PRKG1: variants seen among roughly 807,000 people sequenced by gnomAD.
The protein encoded by PRKG1 is protein kinase cGMP-dependent 1, also known as cGMP-dependent protein kinase 1.
In PRKG1, 35 loss-of-function variants were observed where a neutral mutation model predicts 88.1. The ratio of observed to expected loss-of-function variants is 0.40; its 90% CI spans 0.30 to 0.53. PRKG1 has a LOEUF of 0.53. PRKG1 is among the 20% of genes least tolerant of loss of function. The pLI, the probability that PRKG1 is intolerant of heterozygous loss-of-function variation, is 0.59. For synonymous variants in PRKG1, 303 were observed against 292.5 expected, an observed-to-expected ratio of 1.04 and a Z score of -0.37; for missense variants, 540 against 839.8, an observed-to-expected ratio of 0.64 and a Z score of 4.41.
chr10:51,486,660 C>T (rs1840550378), intron 3 of PRKG1, among the ~76,000 whole-genome samples: 1 of 151,992 alleles, frequency 6.6e-6, no homozygotes, highest in Non-Finnish European at 1.5e-5. Flanking sequence ...ATTTGAGTTT[C>T]TCATTTAAGG....
At chr10:51,597,730 A>G (rs1358403917) in intron 3 of PRKG1, among the ~76,000 whole-genome samples, 2 of 152,302 alleles carry the variant, frequency 1.3e-5, no homozygotes, top group Non-Finnish European at 2.9e-5. Context: ...GACCTTCCAG[A>G]AAGTAATAGA....
chr10:51,395,742 A>T (rs1837559718), intron 2 of PRKG1, among the ~76,000 whole-genome samples: 1 of 152,230 alleles, frequency 6.6e-6, no homozygotes, highest in South Asian at 2.1e-4. Context: ...ATTCTGGCAC[A>T]TTAGGGAGAA....
chr10:51,685,225 G>C (rs1313211098), intron 3 of PRKG1, among the ~76,000 whole-genome samples: 2 of 152,146 alleles, frequency 1.3e-5, no homozygotes, highest in African/African-American at 4.8e-5. Context: ...TAAGGGCTTG[G>C]AAGTCAGACA....
chr10:51,224,285 T>G (rs577577826), intron 2 of PRKG1, among the ~76,000 whole-genome samples: 75 of 152,198 alleles, frequency 4.9e-4, no homozygotes, highest in African/African-American at 1.7e-3. Flanking sequence ...CACTAAGGAG[T>G]CAGAGAAAGG....
chr10:51,557,267 G>A (rs1837336825), intron 3 of PRKG1, among the ~76,000 whole-genome samples: 1 of 151,944 alleles, frequency 6.6e-6, no homozygotes, highest in Non-Finnish European at 1.5e-5. Context: ...AAGGAGCCAT[G>A]GGGAAGGTGA....
chr10:51,963,325 A>C (rs1312653550), intron 5 of PRKG1, among the ~76,000 whole-genome samples: 1 of 152,228 alleles, frequency 6.6e-6, no homozygotes. Flanking sequence ...CTGTTCATTA[A>C]GATGATGATT....
intron 5 of PRKG1, among the ~76,000 whole-genome samples, chr10:51,962,929 A>C (rs1843481436): frequency 6.6e-6 from 1 of 152,200 alleles, no homozygotes. Flanking sequence ...GAGTAGGTTT[A>C]TCTTAACTAT....
intron 9 of PRKG1, among the ~76,000 whole-genome samples, chr10:52,187,593 G>A (rs1304578093): frequency 6.6e-6 from 1 of 152,184 alleles, no homozygotes; most frequent in Non-Finnish European, 1.5e-5. Context: ...TACAAGTTCT[G>A]TCAACATGGT....
chr10:51,758,410 G>T (rs775320256), intron 3 of PRKG1, among the ~76,000 whole-genome samples: 1 of 152,142 alleles, frequency 6.6e-6, no homozygotes, highest in Non-Finnish European at 1.5e-5. Flanking sequence ...TTTGTTACTA[G>T]TCAGTGGGTT....
chr10:51,939,536 A>G (rs1842861565), intron 5 of PRKG1, among the ~76,000 whole-genome samples: 2 of 152,010 alleles, frequency 1.3e-5, no homozygotes, highest in East Asian at 1.9e-4. Flanking sequence ...TAAAATCAAG[A>G]GCAAAGTCTG....
chr10:51,931,104 A>G (rs1005629145), intron 5 of PRKG1, among the ~76,000 whole-genome samples: 1 of 152,128 alleles, frequency 6.6e-6, no homozygotes, highest in African/African-American at 2.4e-5. Context: ...GCTATGATGT[A>G]AGTTTCGTCT....
At chr10:51,495,590 A>C (rs1840829761) in intron 3 of PRKG1, among the ~76,000 whole-genome samples, 1 of 152,230 alleles carries the variant, frequency 6.6e-6, no homozygotes, top group Admixed American at 6.5e-5. Flanking sequence ...TAAAAATTGA[A>C]AATAGACTAA....
intron 9 of PRKG1, among the ~76,000 whole-genome samples, chr10:52,214,302 T>C (rs11001213): frequency 0.15 from 23,107 of 152,074 alleles, 2,535 homozygotes; most frequent in East Asian, 0.52. Context: ...ATAACTTGGG[T>C]GCACATCTCT....
At chr10:51,740,018 T>C (rs1032262570) in intron 3 of PRKG1, among the ~76,000 whole-genome samples, 18 of 152,282 alleles carry the variant, frequency 1.2e-4, no homozygotes, top group African/African-American at 4.3e-4. Context: ...AATATGATTG[T>C]ATACCCACAC....
At chr10:51,563,541 G>A (rs147839095) in intron 3 of PRKG1, among the ~76,000 whole-genome samples, 3 of 151,980 alleles carry the variant, frequency 2.0e-5, no homozygotes, top group East Asian at 3.9e-4. Context: ...TCACATTTCA[G>A]CCTAAAGAAA....
chr10:52,193,406 C>T (rs768190303), intron 9 of PRKG1, among the ~76,000 whole-genome samples: 10 of 151,434 alleles, frequency 6.6e-5, no homozygotes, highest in South Asian at 4.2e-4. Flanking sequence ...AAATTAGCCA[C>T]GCATGGTGGC....
At chr10:51,978,805 T>A (rs1226446373) in intron 5 of PRKG1, among the ~76,000 whole-genome samples, 1 of 152,118 alleles carries the variant, frequency 6.6e-6, no homozygotes, top group Non-Finnish European at 1.5e-5. Context: ...TTTTGTATGT[T>A]GATTTTGTTT....
chr10:51,464,666 C>T (rs1239268824), intron 2 of PRKG1, among the ~76,000 whole-genome samples: 8 of 151,556 alleles, frequency 5.3e-5, no homozygotes, highest in South Asian at 4.1e-4. Flanking sequence ...CCGAGGCGGG[C>T]GGATCACGAG....
chr10:51,330,748 A>G (rs1053474630), intron 2 of PRKG1, among the ~76,000 whole-genome samples: 1 of 151,892 alleles, frequency 6.6e-6, no homozygotes. Flanking sequence ...TTGTTTCTTT[A>G]TATTTTCTTG....
Sources: gnomAD v4.1 joint callset for allele counts (sites outside exome capture counted in the v4.1 genomes callset) on GRCh38, gnomAD v4.1.1 for gene constraint, MANE v1.5 for transcripts, NCBI Gene and HGNC (gene_info 2026-07-23, HGNC 2026-07-21) for gene names.